Variants in CLCA1 observed in about 807,000 individuals in gnomAD.
CLCA1 encodes the protein calcium-activated chloride channel regulator 1.
A neutral mutation model predicts 85.6 loss-of-function variants in CLCA1; 59 were observed. The observed-to-expected ratio is 0.69, with a 90% CI of 0.56 to 0.86. CLCA1 has a LOEUF of 0.86. CLCA1 is among the 40% of genes least tolerant of loss of function. The pLI, the probability that CLCA1 is intolerant of heterozygous loss-of-function variation, is 0.00. For missense variants in CLCA1, 1,022 were observed against 1,101.4 expected (o/e 0.93, Z 1.02); for synonymous variants, 396 against 398.3 (o/e 0.99, Z 0.07).
intron 3 of CLCA1, 84 bp downstream of exon 3, chr1:86,473,960 T>G (rs1174269438): frequency 2.2e-6 from 2 of 903,278 alleles, no homozygotes; most frequent in African/African-American, 3.3e-5. Flanking sequence ...TCTTTGTGAG[T>G]AAGCATGTAT....
chr1:86,498,098 G>A (rs1648344795), intron 12 of CLCA1, among the ~76,000 whole-genome samples: 1 of 151,298 alleles, frequency 6.6e-6, no homozygotes, highest in Non-Finnish European at 1.5e-5. Context: ...AGCCAAGATT[G>A]CGCCACACCA....
chr1:86,493,238 A>G (rs1451493821), intron 9 of CLCA1, 146 bp from the exon 10 acceptor site: 1 of 645,066 alleles, frequency 1.6e-6, no homozygotes, highest in Non-Finnish European at 2.7e-6. Context: ...TTAGAACTGC[A>G]TCATAATTGC....
At chr1:86,471,035 C>T (rs1647485152) in intron 1 of CLCA1, among the ~76,000 whole-genome samples, 1 of 152,156 alleles carries the variant, frequency 6.6e-6, no homozygotes, top group Non-Finnish European at 1.5e-5. Flanking sequence ...AAGGGAGAGT[C>T]AGAGAGAAAC....
At chr1:86,487,956 C>T (rs1034328604) in intron 7 of CLCA1, among the ~76,000 whole-genome samples, 3 of 152,208 alleles carry the variant, frequency 2.0e-5, no homozygotes, top group Admixed American at 1.3e-4. Context: ...AGGCCAAAGC[C>T]GTGATCACAG....
intron 4 of CLCA1, among the ~76,000 whole-genome samples, chr1:86,480,747 A>G (rs1422205218): frequency 1.3e-5 from 2 of 152,246 alleles, no homozygotes; most frequent in Non-Finnish European, 2.9e-5. Flanking sequence ...CTAGTAAGTT[A>G]TTGTCAGCAG....
At chr1:86,473,392 A>G (rs1233477330) in intron 1 of CLCA1, 25 bp from the exon 2 acceptor site, 2 of 1,496,930 alleles carry the variant, frequency 1.3e-6, no homozygotes, top group South Asian at 1.3e-5. Flanking sequence ...GTCAATTGTT[A>G]CGTATGTTTT....
chr1:86,497,727 T>C (rs1037316823), intron 12 of CLCA1, among the ~76,000 whole-genome samples: 4 of 152,142 alleles, frequency 2.6e-5, no homozygotes, highest in African/African-American at 9.7e-5. Flanking sequence ...GAAATATGCA[T>C]AAACAATCAA....
rs1648220467 is a variant in CLCA1 at position 86,494,395 on chromosome 1, T to C, written c.1889T>C (p.Ile630Thr). Residue 630 changes from isoleucine to threonine, a missense_variant, in exon 11 of 14, where the codon ATT becomes ACT. Coordinates refer to ENST00000394711, the MANE Select transcript of CLCA1 (RefSeq NM_001285.4). ...PILRASVTAL[I>T]ESVNGKTVTL... ...CTCAGGGCCAGTGTCACAGCCCTGA[T>C]TGAATCAGTGAATGGAAAAACAGTT... 2.5e-6 allele frequency: 4 copies of C among 1,614,092 alleles called. No homozygotes were observed. The highest frequency in any genetic ancestry group is 1.3e-5 in the African/African-American group (1 of 75,032).
At chr1:86,496,584 T>C (rs1279557197) in intron 12 of CLCA1, among the ~76,000 whole-genome samples, 3 of 152,244 alleles carry the variant, frequency 2.0e-5, no homozygotes, top group African/African-American at 7.2e-5. Context: ...GGCTTTCTCC[T>C]GAGGTTGGTG....
chr1:86,497,252 C>T (rs1036881935), intron 12 of CLCA1, among the ~76,000 whole-genome samples: 4 of 152,322 alleles, frequency 2.6e-5, no homozygotes, highest in Admixed American at 6.5e-5. Flanking sequence ...CTCTATCCCT[C>T]GATAAGCCTT....
intron 12 of CLCA1, among the ~76,000 whole-genome samples, 173 bp from the exon 13 acceptor site, chr1:86,498,399 C>CT (rs1472320447): frequency 6.6e-6 from 1 of 151,798 alleles, no homozygotes; most frequent in Non-Finnish European, 1.5e-5. Flanking sequence ...TCTTTTCCCT[C>CT]TGATGAAACC....
In CLCA1 at chr1:86,476,450, A is replaced by C. The variant is rs1348838341; in HGVS notation, c.454A>C (p.Arg152=). ...TTTTTTAAAATACTTTCTCACAGGT[A>C]GGGCATTTGTCCATGAGTGGGCTCA... ...KKLAEYGPQG[R]AFVHEWAHLR... The change falls in exon 4 of 14, where the codon AGG becomes CGG. Residue 152 remains arginine, a splice_region_variant and synonymous_variant. Coordinates refer to ENST00000394711, the MANE Select transcript of CLCA1 (RefSeq NM_001285.4). The C allele has an allele frequency of 1.3e-6, 2 of 1,535,988 alleles. No individual in the cohort carries two copies. Among genetic ancestry groups the C allele is most frequent in the Non-Finnish European group, 1.8e-6 (2 of 1,111,638 alleles).
intron 5 of CLCA1, among the ~76,000 whole-genome samples, chr1:86,485,007 G>A (rs1287780694): frequency 6.6e-6 from 1 of 152,158 alleles, no homozygotes; most frequent in Non-Finnish European, 1.5e-5. Flanking sequence ...GGTGGTATAA[G>A]GGTGGAGAGA....
At chr1:86,473,005 AT>A (rs1647544258) in intron 1 of CLCA1, among the ~76,000 whole-genome samples, 1 of 152,232 alleles carries the variant, frequency 6.6e-6, no homozygotes, top group African/African-American at 2.4e-5. Context: ...CATAGCTAAT[AT>A]TTTATACTTG....
In CLCA1 at chr1:86,493,261, A is replaced by G. The variant is rs141231518; in HGVS notation, c.1465-123A>G. ...GCATCATAATTGCTCCTAACACCAA[A>G]TCAAGGATTCAGGCATCACTGAAGT... On this transcript the variant is annotated intron_variant, in intron 9 of 13. Coordinates refer to ENST00000394711, the MANE Select transcript of CLCA1 (RefSeq NM_001285.4). 1.6e-4 allele frequency: 116 copies of G among 712,162 alleles called. 1 individual carries two copies. The African/African-American group carries it at 1.9e-3, about 12-fold the overall frequency. 44.1% of individuals were successfully genotyped at this position (712,162 alleles called of 1,614,324 possible).
In CLCA1 at chr1:86,499,667, C is replaced by T. The variant is rs1229377422; in HGVS notation, c.2367C>T (p.Ile789=). Residue 789 remains isoleucine, a synonymous_variant, in exon 14 of 14, where the codon ATC becomes ATT. Coordinates refer to ENST00000394711, the MANE Select transcript of CLCA1 (RefSeq NM_001285.4). The part of the protein sequence containing the change: ...DYDHGTAHKY[I]IRISTSILDL... ...TTTTCTTTTTAGCTCACAAGTATAT[C>T]ATTCGAATAAGTACAAGTATTCTTG... 6.3e-7 allele frequency: 1 copy of T among 1,579,488 alleles called. No homozygotes were observed. Among genetic ancestry groups the T allele is most frequent in the South Asian group, 1.1e-5 (1 of 89,124 alleles).
intron 11 of CLCA1, 68 bp from the exon 12 acceptor site, chr1:86,495,437 A>G (rs1570291368): frequency 4.6e-6 from 6 of 1,291,408 alleles, no homozygotes; most frequent in South Asian, 1.4e-5. Flanking sequence ...CATAGCCTAC[A>G]TATGAGTTGG....
chr1:86,488,230 C>G (rs184992160), intron 7 of CLCA1, among the ~76,000 whole-genome samples: 1 of 151,994 alleles, frequency 6.6e-6, no homozygotes, highest in African/African-American at 2.4e-5. Context: ...AATTCTGGGT[C>G]TCTCCTTCCA....
chr1:86,473,979 CAATT>C (rs1407541633), intron 3 of CLCA1, 103 bp downstream of exon 3: 32 of 732,524 alleles, frequency 4.4e-5, no homozygotes, highest in Non-Finnish European at 5.7e-5. Context: ...ATAAGCCAAA[CAATT>C]AGAGATAAAA....
Sources: allele counts gnomAD v4.1 joint callset (sites outside exome capture counted in the v4.1 genomes callset), GRCh38; gene constraint gnomAD v4.1.1; transcripts MANE v1.5; gene names NCBI Gene and HGNC (gene_info 2026-07-23, HGNC 2026-07-21).